The following RANBP2 variants were observed in gnomAD, a reference collection of about 807,000 sequenced individuals.
RANBP2 encodes E3 SUMO-protein ligase RanBP2.
Under a neutral mutation model 303.6 loss-of-function variants are expected in RANBP2, and 57 were observed. The ratio of observed to expected loss-of-function variants is 0.19; its 90% CI spans 0.15 to 0.23. The LOEUF is 0.23. Ranked by LOEUF, RANBP2 falls within the 10% of genes least tolerant of loss-of-function variation. The probability of loss-of-function intolerance (pLI) is 1.00; values close to 1 mark genes in which losing one functional copy is unlikely to be tolerated. For synonymous variants in RANBP2, 1,167 were observed against 1,301.5 expected (o/e 0.90, Z 2.23); for missense variants, 3,138 against 3,780.8 (o/e 0.83, Z 4.46).
the RANBP2 span, among the ~76,000 whole-genome samples, chr2:108,796,793 A>T: frequency 6.6e-6 from 1 of 152,144 alleles, no homozygotes; most frequent in African/African-American, 2.4e-5. Flanking sequence ...AGAAATAGAG[A>T]TGGAATGGTG....
chr2:109,409,155 G>A, the RANBP2 span, among the ~76,000 whole-genome samples: 3 of 152,164 alleles, frequency 2.0e-5, no homozygotes, highest in South Asian at 2.1e-4. Context: ...ATTCGCCTTA[G>A]TAATATTGTG....
the RANBP2 span, among the ~76,000 whole-genome samples, chr2:109,010,962 TCCAC>T: frequency 6.6e-6 from 1 of 152,128 alleles, no homozygotes; most frequent in East Asian, 1.9e-4. Context: ...CACCCACCTT[TCCAC>T]TGTACATGGC....
At chr2:109,083,750 C>A in the RANBP2 span, among the ~76,000 whole-genome samples, 1 of 152,136 alleles carries the variant, frequency 6.6e-6, no homozygotes, top group Non-Finnish European at 1.5e-5. Context: ...CGTGGCTGCA[C>A]CCTCTTACAT....
At chr2:109,048,060 A>G in the RANBP2 span, among the ~76,000 whole-genome samples, 3 of 152,370 alleles carry the variant, frequency 2.0e-5, no homozygotes, top group Admixed American at 1.3e-4. Flanking sequence ...TCAGCTGTTA[A>G]TAGCCACTGA....
chr2:108,765,278 C>T lies in RANBP2; in HGVS notation c.4739C>T (p.Ala1580Val). The change falls in exon 20 of 29, where the codon GCT (alanine) becomes GTT (valine). Residue 1580 changes from alanine to valine, a missense_variant. Coordinates refer to ENST00000283195, the MANE Select transcript of RANBP2 (RefSeq NM_006267.5). ...DKPSPSTSVP[A>V]PASFKFGTSE... Reference sequence around the variant, plus strand: ...CCAAGTCCATCTACTTCTGTTCCAGCTCCTGCCTCTTTTAAGTTTGGTACT... The same window carrying T: ...CCAAGTCCATCTACTTCTGTTCCAGTTCCTGCCTCTTTTAAGTTTGGTACT... 1.9e-6 allele frequency: 3 copies of T among 1,614,028 alleles called. No individual in the cohort carries two copies. The highest frequency in any genetic ancestry group is 2.5e-6 in the Non-Finnish European group (3 of 1,179,958).
Position 108,765,754 on chromosome 2 carries a change from G to A in RANBP2, c.5215G>A (p.Ala1739Thr). 1 of 1,613,858 alleles carries A rather than the reference G, an allele frequency of 6.2e-7. No individual in the cohort carries two copies. Among genetic ancestry groups the A allele is most frequent in the South Asian group, 1.1e-5 (1 of 91,060 alleles). Residue 1739 changes from alanine (A) to threonine (T), a missense_variant, in exon 20 of 29, where the codon GCC becomes ACC. Ala to Thr is a moderately conservative substitution (Grantham distance 58). This residue lies in a region of RANBP2 where 348 missense variants were observed against 360.4 expected (regional missense o/e 0.97). Coordinates refer to ENST00000283195, the MANE Select transcript of RANBP2 (RefSeq NM_006267.5). The part of the protein sequence containing the change: ...DCSVCLVRNE[A>T]SATKCIACQC... ...CAGTGTGTGCTTAGTAAGAAATGAA[G>A]CCAGTGCTACCAAATGTATTGCTTG...
the RANBP2 span, among the ~76,000 whole-genome samples, chr2:109,684,141 CA>C: frequency 6.6e-6 from 1 of 151,844 alleles, no homozygotes; most frequent in African/African-American, 2.4e-5. Context: ...GGGGTTTTAC[CA>C]TGTTGGCCAG....
At chr2:109,382,356 G>A in the RANBP2 span, among the ~76,000 whole-genome samples, 114 of 142,184 alleles carry the variant, frequency 8.0e-4, no homozygotes, top group Non-Finnish European at 1.6e-3. Flanking sequence ...TGCTGCAGTG[G>A]GGCTGACTCA....
chr2:109,286,748 C>G, the RANBP2 span, among the ~76,000 whole-genome samples: 1 of 152,196 alleles, frequency 6.6e-6, no homozygotes, highest in Non-Finnish European at 1.5e-5. Context: ...TGTTGGGTTT[C>G]CCTACAGAGA....
chr2:109,124,834 A>G, the RANBP2 span, among the ~76,000 whole-genome samples: 1 of 152,136 alleles, frequency 6.6e-6, no homozygotes, highest in African/African-American at 2.4e-5. Flanking sequence ...TCAACCCCAC[A>G]CGGTGCAATG....
chr2:109,223,005 T>C, the RANBP2 span, among the ~76,000 whole-genome samples: 3 of 152,266 alleles, frequency 2.0e-5, no homozygotes, highest in African/African-American at 7.2e-5. Flanking sequence ...CCCTTCAGGG[T>C]GAAGAGGGCA....
the RANBP2 span, among the ~76,000 whole-genome samples, chr2:109,504,882 G>GT: frequency 2.6e-5 from 4 of 152,204 alleles, no homozygotes; most frequent in East Asian, 7.7e-4. Context: ...GAGCTGGGCA[G>GT]TAAGAGCCAA....
At chr2:108,852,923 A>G in the RANBP2 span, among the ~76,000 whole-genome samples, 4 of 152,202 alleles carry the variant, frequency 2.6e-5, no homozygotes, top group African/African-American at 9.6e-5. Flanking sequence ...CCATTACAGA[A>G]GTAAAATGAG....
chr2:109,602,216 G>A, the RANBP2 span, among the ~76,000 whole-genome samples: 12 of 152,106 alleles, frequency 7.9e-5, no homozygotes, highest in African/African-American at 2.9e-4. Context: ...ACTATAACTT[G>A]GAACAAGCAA....
chr2:108,883,247 C>T, the RANBP2 span: 2 of 152,262 alleles, frequency 1.3e-5, no homozygotes. Context: ...CATGGCAAAT[C>T]TGTAGCACCC....
the RANBP2 span, among the ~76,000 whole-genome samples, chr2:108,926,600 G>A: frequency 2.0e-5 from 3 of 152,314 alleles, no homozygotes; most frequent in East Asian, 5.8e-4. Flanking sequence ...TCCGGGGTGA[G>A]GCCTGGAGAG....
the RANBP2 span, among the ~76,000 whole-genome samples, chr2:109,419,908 A>G: frequency 6.6e-6 from 1 of 152,194 alleles, no homozygotes; most frequent in Non-Finnish European, 1.5e-5. Flanking sequence ...AGTCAACAGG[A>G]GAGGAGCCAG....
the RANBP2 span, chr2:108,896,670 T>C: frequency 3.6e-6 from 2 of 551,922 alleles, no homozygotes; most frequent in African/African-American, 1.9e-5. Context: ...TGAGTAGATA[T>C]TTACTCTGCC....
the RANBP2 span, among the ~76,000 whole-genome samples, chr2:108,844,128 C>T: frequency 6.6e-6 from 1 of 151,716 alleles, no homozygotes; most frequent in African/African-American, 2.4e-5. Context: ...CCCAAAGTGC[C>T]GGGAGTGCAA....
Sources: gnomAD v4.1 joint callset for allele counts (sites outside exome capture counted in the v4.1 genomes callset) on GRCh38, gnomAD v4.1.1 for gene constraint, gnomAD v4.1.1 regional missense constraint, MANE v1.5 for transcripts, NCBI Gene and HGNC (gene_info 2026-07-23, HGNC 2026-07-21) for gene names.